Variants in ROBO2 observed in about 807,000 individuals in gnomAD.
ROBO2 encodes the protein roundabout guidance receptor 2.
Under a neutral mutation model 160.8 loss-of-function variants are expected in ROBO2, and 53 were observed. The ratio of observed to expected loss-of-function variants is 0.33; its 90% CI spans 0.26 to 0.41. The LOEUF is 0.41. ROBO2 is among the 10% of genes least tolerant of loss of function. The pLI is 1.00. For missense variants in ROBO2, 1,577 were observed against 1,722.4 expected, an observed-to-expected ratio of 0.92 and a Z score of 1.49; for synonymous variants, 664 against 611.7, an observed-to-expected ratio of 1.09 and a Z score of -1.26.
chr3:76,796,892 G>A (rs1188500488), intron 2 of ROBO2, among the ~76,000 whole-genome samples: 2 of 151,976 alleles, frequency 1.3e-5, no homozygotes, highest in African/African-American at 4.8e-5. Context: ...TCAGGAAGAG[G>A]ATATAACAAG....
chr3:77,064,030 A>G (rs1179606649), intron 1 of ROBO2, among the ~76,000 whole-genome samples: 1 of 152,186 alleles, frequency 6.6e-6, no homozygotes, highest in African/African-American at 2.4e-5. Flanking sequence ...TATTTTCTTC[A>G]TGTTATCTTT....
At chr3:76,925,667 A>G (rs1384879483) in intron 2 of ROBO2, among the ~76,000 whole-genome samples, 1 of 152,164 alleles carries the variant, frequency 6.6e-6, no homozygotes, top group African/African-American at 2.4e-5. Flanking sequence ...ATAGAAGGGA[A>G]CACAGATGGG....
intron 2 of ROBO2, among the ~76,000 whole-genome samples, chr3:76,217,410 C>A (rs570067709): frequency 2.6e-4 from 39 of 152,160 alleles, no homozygotes; most frequent in Non-Finnish European, 4.9e-4. Flanking sequence ...AATTGATAAA[C>A]CTCTAGAAGA....
At chr3:76,462,313 T>G (rs183706951) in intron 2 of ROBO2, among the ~76,000 whole-genome samples, 143 of 152,320 alleles carry the variant, frequency 9.4e-4, no homozygotes, top group African/African-American at 3.0e-3. Flanking sequence ...CAATTTCTAA[T>G]TTGAATTTTC....
chr3:76,699,064 A>C (rs976521835), intron 2 of ROBO2, among the ~76,000 whole-genome samples: 2 of 152,206 alleles, frequency 1.3e-5, no homozygotes, highest in African/African-American at 4.8e-5. Flanking sequence ...TTTAAATACA[A>C]ATATAACTGT....
intron 2 of ROBO2, among the ~76,000 whole-genome samples, chr3:77,330,323 G>A (rs1295702724): frequency 1.3e-5 from 2 of 152,206 alleles, no homozygotes; most frequent in African/African-American, 4.8e-5. Flanking sequence ...TTTGAGACCA[G>A]TCTGGCCAAC....
At chr3:77,128,945 A>G (rs1254816575) in intron 2 of ROBO2, among the ~76,000 whole-genome samples, 2 of 152,148 alleles carry the variant, frequency 1.3e-5, no homozygotes, top group Non-Finnish European at 1.5e-5. Flanking sequence ...CTTTGCTAAT[A>G]TGATAGGTGA....
At chr3:76,720,530 A>G (rs2093448625) in intron 2 of ROBO2, among the ~76,000 whole-genome samples, 1 of 152,218 alleles carries the variant, frequency 6.6e-6, no homozygotes, top group Non-Finnish European at 1.5e-5. Flanking sequence ...AAAAAAAGAG[A>G]TGGAGATAAT....
intron 2 of ROBO2, among the ~76,000 whole-genome samples, chr3:76,576,774 G>A (rs1345228223): frequency 1.2e-4 from 4 of 33,466 alleles, no homozygotes; most frequent in Admixed American, 1.1e-3. Context: ...GTGAAACTCC[G>A]TCTCACAAAA....
At chr3:77,159,565 T>C (rs570703007) in intron 2 of ROBO2, among the ~76,000 whole-genome samples, 194 of 152,230 alleles carry the variant, frequency 1.3e-3, no homozygotes, top group South Asian at 6.4e-3. Flanking sequence ...GTGGCACTTG[T>C]GAAAGTAGTG....
chr3:75,956,816 C>T (rs982027414), intron 2 of ROBO2, among the ~76,000 whole-genome samples: 17 of 151,862 alleles, frequency 1.1e-4, no homozygotes, highest in African/African-American at 4.1e-4. Context: ...AATGGCAGCT[C>T]TTTTATTTGC....
intron 1 of ROBO2, among the ~76,000 whole-genome samples, chr3:77,061,760 A>C (rs1484993690): frequency 6.6e-6 from 1 of 152,168 alleles, no homozygotes; most frequent in Non-Finnish European, 1.5e-5. Flanking sequence ...TGGTCCTGTC[A>C]ACATGTCTTT....
At chr3:76,400,911 A>C (rs1042237623) in intron 2 of ROBO2, among the ~76,000 whole-genome samples, 1 of 151,544 alleles carries the variant, frequency 6.6e-6, no homozygotes, top group African/African-American at 2.4e-5. Context: ...GATTGCTATT[A>C]TGTTCAGGAT....
At chr3:77,142,479 T>G (rs1479172080) in intron 2 of ROBO2, among the ~76,000 whole-genome samples, 1 of 152,218 alleles carries the variant, frequency 6.6e-6, no homozygotes, top group African/African-American at 2.4e-5. Flanking sequence ...TAATATATAA[T>G]AACCTAATCT....
At chr3:77,635,159 C>A (rs2095242573) in intron 24 of ROBO2, 116 bp downstream of exon 25, 2 of 1,116,232 alleles carry the variant, frequency 1.8e-6, no homozygotes, top group Non-Finnish European at 2.6e-6. Context: ...CATAACAAGA[C>A]AAAAACCTGG....
intron 2 of ROBO2, among the ~76,000 whole-genome samples, chr3:76,265,271 C>A (rs1259940564): frequency 6.6e-6 from 1 of 152,134 alleles, no homozygotes; most frequent in African/African-American, 2.4e-5. Context: ...ACAAAACACT[C>A]ATCTTCGTCT....
At chr3:77,504,743 TA>T (rs1252577135) in intron 5 of ROBO2, among the ~76,000 whole-genome samples, 2 of 152,166 alleles carry the variant, frequency 1.3e-5, no homozygotes, top group Admixed American at 6.5e-5. Context: ...TTTCAAGGAA[TA>T]AAAAAAGATG....
intron 5 of ROBO2, among the ~76,000 whole-genome samples, chr3:77,510,777 C>T (rs377658905): frequency 2.0e-5 from 3 of 151,948 alleles, no homozygotes; most frequent in African/African-American, 4.8e-5. Flanking sequence ...TTTATATGCA[C>T]GGCAGAAAAT....
At chr3:76,850,736 A>G (rs1437052411) in intron 2 of ROBO2, among the ~76,000 whole-genome samples, 1 of 152,158 alleles carries the variant, frequency 6.6e-6, no homozygotes, top group Non-Finnish European at 1.5e-5. Context: ...CCAAGGCACT[A>G]GAATAGGCTT....
Sources: gnomAD v4.1 joint callset for allele counts (sites outside exome capture counted in the v4.1 genomes callset) on GRCh38, gnomAD v4.1.1 for gene constraint, MANE v1.5 for transcripts, NCBI Gene and HGNC (gene_info 2026-07-23, HGNC 2026-07-21) for gene names.